Variants in GALNTL6 observed in about 807,000 individuals in gnomAD.
The protein encoded by GALNTL6 is polypeptide N-acetylgalactosaminyltransferase like 6.
A neutral mutation model predicts 73.7 loss-of-function variants in GALNTL6; 46 were observed. That is an observed-to-expected ratio of 0.62 (90% CI 0.49 to 0.80). The LOEUF (loss-of-function observed/expected upper bound fraction) is 0.80. Ranked by LOEUF, GALNTL6 falls within the 30% of genes least tolerant of loss-of-function variation. The pLI, the probability that GALNTL6 is intolerant of heterozygous loss-of-function variation, is 0.00. For missense variants in GALNTL6, 604 were observed against 755.0 expected (o/e 0.80, Z 2.34); for synonymous variants, 259 against 263.7 (o/e 0.98, Z 0.17).
At chr4:172,580,836 A>G (rs1184528667) in intron 5 of GALNTL6, among the ~76,000 whole-genome samples, 4 of 152,070 alleles carry the variant, frequency 2.6e-5, no homozygotes, top group East Asian at 3.9e-4. Context: ...CTGGAGTGCA[A>G]TGGCACTATC....
chr4:172,943,334 G>A (rs180929338), intron 9 of GALNTL6, among the ~76,000 whole-genome samples: 26 of 152,172 alleles, frequency 1.7e-4, no homozygotes, highest in Admixed American at 6.5e-4. Flanking sequence ...TTCCAGCCCC[G>A]TCAAAGGCTT....
chr4:171,941,614 T>C (rs78768753), intron 2 of GALNTL6, among the ~76,000 whole-genome samples: 2 of 152,194 alleles, frequency 1.3e-5, no homozygotes, highest in Admixed American at 6.5e-5. Flanking sequence ...TTCATTCCAC[T>C]GCTCCTTTAG....
intron 9 of GALNTL6, among the ~76,000 whole-genome samples, chr4:172,947,792 T>A (rs944648791): frequency 6.6e-6 from 1 of 152,238 alleles, no homozygotes; most frequent in African/African-American, 2.4e-5. Flanking sequence ...CCACTATCTC[T>A]GTGTATGTGA....
chr4:172,686,557 C>G (rs1162678344), intron 5 of GALNTL6, among the ~76,000 whole-genome samples: 1 of 152,118 alleles, frequency 6.6e-6, no homozygotes, highest in Non-Finnish European at 1.5e-5. Context: ...TATGTACAAG[C>G]AAATTTCCAT....
At chr4:172,663,798 C>T (rs1250988211) in intron 5 of GALNTL6, among the ~76,000 whole-genome samples, 1 of 152,010 alleles carries the variant, frequency 6.6e-6, no homozygotes, top group Non-Finnish European at 1.5e-5. Flanking sequence ...GGCATAATGG[C>T]ACACGCCTGT....
intron 2 of GALNTL6, among the ~76,000 whole-genome samples, chr4:171,857,091 T>C (rs536989220): frequency 4.7e-4 from 72 of 152,224 alleles, no homozygotes; most frequent in African/African-American, 1.7e-3. Flanking sequence ...TAAGTAGAGG[T>C]ACATTGCATA....
chr4:171,927,377 T>A (rs1738020843), intron 2 of GALNTL6, among the ~76,000 whole-genome samples: 1 of 152,146 alleles, frequency 6.6e-6, no homozygotes, highest in Non-Finnish European at 1.5e-5. Context: ...GTTTTGAATT[T>A]AAAATTTCCC....
chr4:172,258,669 G>A (rs1415556841), intron 3 of GALNTL6, among the ~76,000 whole-genome samples: 3 of 151,196 alleles, frequency 2.0e-5, no homozygotes, highest in South Asian at 2.1e-4. Context: ...TTCTTTAGTA[G>A]TGATTTCTGA....
intron 5 of GALNTL6, among the ~76,000 whole-genome samples, chr4:172,764,064 T>C (rs1738265775): frequency 6.6e-6 from 1 of 151,644 alleles, no homozygotes; most frequent in African/African-American, 2.4e-5. Context: ...GTTCAAACGA[T>C]TCTCCTGCCT....
chr4:172,003,366 A>C (rs1372809415), intron 2 of GALNTL6, among the ~76,000 whole-genome samples: 1 of 152,132 alleles, frequency 6.6e-6, no homozygotes, highest in Non-Finnish European at 1.5e-5. Context: ...AATTATTTTA[A>C]ATAAACTTCA....
chr4:172,547,367 A>T (rs1484456458), intron 5 of GALNTL6, among the ~76,000 whole-genome samples: 1 of 152,108 alleles, frequency 6.6e-6, no homozygotes, highest in East Asian at 1.9e-4. Flanking sequence ...TGGGGTGCTC[A>T]TCTATTTTGA....
intron 2 of GALNTL6, among the ~76,000 whole-genome samples, chr4:172,022,706 A>AT: frequency 6.6e-6 from 1 of 151,874 alleles, no homozygotes; most frequent in South Asian, 2.1e-4. Flanking sequence ...GGGGAAAAAA[A>AT]AAACCCTCCA....
chr4:172,798,816 G>A (rs1740435595), intron 5 of GALNTL6, among the ~76,000 whole-genome samples: 1 of 152,010 alleles, frequency 6.6e-6, no homozygotes, highest in South Asian at 2.1e-4. Flanking sequence ...TTTATGAATG[G>A]GATTTTTCCT....
chr4:172,770,331 T>C (rs1189089933), intron 5 of GALNTL6, among the ~76,000 whole-genome samples: 1 of 151,762 alleles, frequency 6.6e-6, no homozygotes, highest in Admixed American at 6.6e-5. Flanking sequence ...TTTAGCATAG[T>C]TCCTGCCACA....
intron 3 of GALNTL6, among the ~76,000 whole-genome samples, chr4:172,246,383 A>T (rs1395423198): frequency 6.6e-6 from 1 of 152,140 alleles, no homozygotes; most frequent in African/African-American, 2.4e-5. Context: ...TATGCATAGA[A>T]TTTTTTTGTT....
intron 5 of GALNTL6, among the ~76,000 whole-genome samples, chr4:172,479,248 C>T (rs1411219117): frequency 1.3e-5 from 2 of 152,090 alleles, no homozygotes; most frequent in Non-Finnish European, 2.9e-5. Context: ...CACAATTGCA[C>T]ATATATGGAG....
At chr4:172,772,429 T>A (rs917320249) in intron 5 of GALNTL6, among the ~76,000 whole-genome samples, 2 of 152,204 alleles carry the variant, frequency 1.3e-5, no homozygotes, top group Non-Finnish European at 1.5e-5. Context: ...ATAGATCTAA[T>A]TCTTATGATA....
chr4:171,919,692 A>G (rs905275378), intron 2 of GALNTL6, among the ~76,000 whole-genome samples: 1 of 152,160 alleles, frequency 6.6e-6, no homozygotes, highest in South Asian at 2.1e-4. Context: ...TCAACAAAAA[A>G]AAAGAAAGAA....
intron 5 of GALNTL6, among the ~76,000 whole-genome samples, chr4:172,804,994 A>T (rs981174710): frequency 2.6e-5 from 4 of 152,230 alleles, no homozygotes; most frequent in African/African-American, 4.8e-5. Flanking sequence ...TTTAAAAGGA[A>T]AAACTAAGGA....
Sources: allele counts gnomAD v4.1 joint callset (sites outside exome capture counted in the v4.1 genomes callset), GRCh38; gene constraint gnomAD v4.1.1; transcripts MANE v1.5; gene names NCBI Gene and HGNC (gene_info 2026-07-23, HGNC 2026-07-21).